CDH3: variants seen among roughly 807,000 people sequenced by gnomAD.
CDH3 encodes the protein cadherin 3, also known as cadherin-3.
Under a neutral mutation model 82.0 loss-of-function variants are expected in CDH3, and 54 were observed. That is an observed-to-expected ratio of 0.66 (90% CI 0.53 to 0.83). CDH3 has a LOEUF of 0.83. Ranked by LOEUF, CDH3 falls within the 40% of genes least tolerant of loss-of-function variation. CDH3 has a pLI of 0.00. For missense variants in CDH3, 1,054 were observed against 1,084.6 expected, an observed-to-expected ratio of 0.97 and a Z score of 0.40; for synonymous variants, 446 against 437.9, an observed-to-expected ratio of 1.02 and a Z score of -0.23.
At chr16:68,691,167 G>C (rs1031191655) in intron 12 of CDH3, among the ~76,000 whole-genome samples, 2 of 151,874 alleles carry the variant, frequency 1.3e-5, no homozygotes, top group Non-Finnish European at 2.9e-5. Context: ...CATCACGCCT[G>C]GCTAATTTTT....
At chr16:68,662,318 C>T (rs1960605627) in intron 2 of CDH3, among the ~76,000 whole-genome samples, 1 of 152,084 alleles carries the variant, frequency 6.6e-6, no homozygotes, top group African/African-American at 2.4e-5. Flanking sequence ...TTTTTTAGGA[C>T]ATGGTGACAT....
rs1056047936 is a variant in CDH3 at position 68,676,319 on chromosome 16, G to A, written c.161-66G>A. 8 of 1,181,240 alleles carry A rather than the reference G, an allele frequency of 6.8e-6. No individual in the cohort carries two copies. The South Asian group carries it at 9.8e-5, about 15-fold the overall frequency. 73.2% of individuals were successfully genotyped at this position (1,181,240 alleles called of 1,614,324 possible). ...CAGTCAGAGGACTCTTGTCAGTCTTGTTTTCCTGGGGCAACTTCCAGAATA... is the reference window on the plus strand; with the variant it reads ...CAGTCAGAGGACTCTTGTCAGTCTTATTTTCCTGGGGCAACTTCCAGAATA... On this transcript the variant is annotated intron_variant, in intron 2 of 15. Coordinates refer to ENST00000264012, the MANE Select transcript of CDH3 (RefSeq NM_001793.6).
downstream of CDH3, among the ~76,000 whole-genome samples, chr16:68,731,453 T>A: frequency 8.5e-5 from 1 of 11,742 alleles, no homozygotes; most frequent in Non-Finnish European, 2.0e-4. Context: ...CACACACACG[T>A]ATATACACAT....
At chr16:68,725,579 C>T (rs143092831) in intron 2 of CDH3, among the ~76,000 whole-genome samples, 4,089 of 152,100 alleles carry the variant, frequency 0.027, 67 homozygotes, top group Non-Finnish European at 0.042. Context: ...CTGATCCACC[C>T]GCCTTGGCCT....
intron 2 of CDH3, among the ~76,000 whole-genome samples, chr16:68,656,652 G>T (rs948357042): frequency 3.9e-5 from 6 of 152,162 alleles, no homozygotes; most frequent in African/African-American, 1.4e-4. Context: ...TTGAACACAG[G>T]TGTGACCCCC....
At position 68,687,699 on chromosome 16, in the gene CDH3, C is replaced by T. The variant is rs776873219; in HGVS notation, c.1758C>T (p.Asp586=). Reference sequence around the variant, plus strand: ...CTTTCCAGGCCCAGCTCACAGATGACTCAGACATCTACTGGACGGCAGAGG... The same window carrying T: ...CTTTCCAGGCCCAGCTCACAGATGATTCAGACATCTACTGGACGGCAGAGG... The part of the protein sequence containing the change: ...TSPFQAQLTD[D]SDIYWTAEVN... The change falls in exon 12 of 16, where the codon GAC becomes GAT. Residue 586 remains aspartate, a synonymous_variant. Transcript: ENST00000264012. The T allele has an allele frequency of 7.4e-6, 12 of 1,613,920 alleles. No individual in the cohort carries two copies. The East Asian group carries it at 2.5e-4, about 33-fold the overall frequency.
At chr16:68,657,121 A>G (rs1047491889) in intron 2 of CDH3, among the ~76,000 whole-genome samples, 1 of 152,340 alleles carries the variant, frequency 6.6e-6, no homozygotes, top group African/African-American at 2.4e-5. Context: ...TCCAGCTGAC[A>G]GAATTCCCTC....
chr16:68,648,450 CT>C (rs112124775), intron 2 of CDH3, among the ~76,000 whole-genome samples: 2,446 of 143,124 alleles, frequency 0.017, 34 homozygotes, highest in African/African-American at 0.042. Context: ...AGTTCCCTGG[CT>C]TTTTTTTTTT....
chr16:68,703,192 C>T (rs897900814), downstream of CDH3, among the ~76,000 whole-genome samples: 4 of 152,212 alleles, frequency 2.6e-5, no homozygotes, highest in Admixed American at 6.5e-5. Flanking sequence ...CCCCACAGTG[C>T]GCTTTCCCAG....
At chr16:68,728,248 C>T (rs1364016022), downstream of CDH3, among the ~76,000 whole-genome samples, 1 of 152,142 alleles carries the variant, frequency 6.6e-6, no homozygotes, top group Non-Finnish European at 1.5e-5. Context: ...TCACTGCAAG[C>T]TCCGCCTCCC....
intron 1 of CDH3, among the ~76,000 whole-genome samples, chr16:68,711,869 C>T (rs1047643691): frequency 6.6e-6 from 1 of 152,046 alleles, no homozygotes. Context: ...AACAAGGCAG[C>T]CCTGTCTACT....
intron 2 of CDH3, among the ~76,000 whole-genome samples, chr16:68,670,686 C>T (rs574382196): frequency 6.6e-6 from 1 of 152,112 alleles, no homozygotes; most frequent in Non-Finnish European, 1.5e-5. Flanking sequence ...GCATAAATAC[C>T]TAATAAGTTA....
intron 1 of CDH3, among the ~76,000 whole-genome samples, chr16:68,714,524 C>T (rs967388517): frequency 1.3e-5 from 2 of 152,208 alleles, no homozygotes; most frequent in Admixed American, 6.6e-5. Context: ...TTTAGTATTC[C>T]TCCCCTAGAG....
intron 2 of CDH3, among the ~76,000 whole-genome samples, chr16:68,722,800 A>T (rs996383781): frequency 6.6e-6 from 1 of 151,666 alleles, no homozygotes; most frequent in Non-Finnish European, 1.5e-5. Flanking sequence ...TTATTTATTT[A>T]TTTTTTGAGA....
chr16:68,669,065 G>C (rs1472465451), intron 2 of CDH3, among the ~76,000 whole-genome samples: 1 of 152,134 alleles, frequency 6.6e-6, no homozygotes, highest in Non-Finnish European at 1.5e-5. Context: ...CAAGTCTTCT[G>C]GACTCCAAAT....
chr16:68,686,535 C>G, intron 11 of CDH3: 2 of 1,160,514 alleles, frequency 1.7e-6, no homozygotes, highest in Non-Finnish European at 2.6e-6. Context: ...GGATCGGATT[C>G]TAAAGGAAAG....
At chr16:68,725,238 A>G (rs1214931049) in intron 2 of CDH3, among the ~76,000 whole-genome samples, 1 of 152,162 alleles carries the variant, frequency 6.6e-6, no homozygotes. Context: ...GACTTGGTTC[A>G]GGAAAAATCT....
In CDH3 at chr16:68,687,578, C is replaced by G; in HGVS notation, c.1637C>G (p.Pro546Arg). 1 of 1,614,158 alleles carries G rather than the reference C, an allele frequency of 6.2e-7. No homozygotes were observed. The highest frequency in any genetic ancestry group is 8.5e-7 in the Non-Finnish European group (1 of 1,180,022). Residue 546 changes from proline (P) to arginine (R), a missense_variant, in exon 12 of 16, where the codon CCA becomes CGA. Pro to Arg is a moderately radical substitution (Grantham distance 103). Coordinates refer to ENST00000264012, the MANE Select transcript of CDH3 (RefSeq NM_001793.6). The stretch of plus-strand genomic sequence containing the variant: ...CTGATTGATGTCAATGACCATGGCC[C>G]AGTCCCTGAGCCCCGTCAGATCACC... ...LTLIDVNDHGPVPEPRQITIC... is the reference protein window; with the variant it reads ...LTLIDVNDHGRVPEPRQITIC...
At chr16:68,672,826 C>G (rs1425790642) in intron 2 of CDH3, among the ~76,000 whole-genome samples, 1 of 152,176 alleles carries the variant, frequency 6.6e-6, no homozygotes, top group Non-Finnish European at 1.5e-5. Flanking sequence ...CCCCTCTGTC[C>G]TCTCCCATTC....
Sources: gnomAD v4.1 joint callset for allele counts (sites outside exome capture counted in the v4.1 genomes callset) on GRCh38, gnomAD v4.1.1 for gene constraint, MANE v1.5 for transcripts, NCBI Gene and HGNC (gene_info 2026-07-23, HGNC 2026-07-21) for gene names.